IL13RA1: variants seen among roughly 807,000 people sequenced by gnomAD.
IL13RA1 encodes interleukin 13 receptor subunit alpha 1.
In IL13RA1, 14 loss-of-function variants were observed where a neutral mutation model predicts 33.8. The ratio of observed to expected loss-of-function variants is 0.41; its 90% CI spans 0.27 to 0.65. IL13RA1 has a LOEUF of 0.65. IL13RA1 is among the 30% of genes least tolerant of loss of function. The pLI, the probability that IL13RA1 is intolerant of heterozygous loss-of-function variation, is 0.28. For synonymous variants in IL13RA1, 116 were observed against 115.7 expected, an observed-to-expected ratio of 1.00 and a Z score of -0.02; for missense variants, 313 against 327.0, an observed-to-expected ratio of 0.96 and a Z score of 0.33.
chrX:118,733,834 A>G (rs2017251746), intron 1 of IL13RA1, among the ~76,000 whole-genome samples: 1 of 110,986 alleles, frequency 9.0e-6, no homozygotes, highest in Admixed American at 9.7e-5. Context: ...ATTCTTTTTC[A>G]TATGGATATC....
At chrX:118,787,022 A>T (rs1297357806) in intron 10 of IL13RA1, among the ~76,000 whole-genome samples, 4 of 112,044 alleles carry the variant, frequency 3.6e-5, no homozygotes, top group Non-Finnish European at 1.9e-5. Context: ...TCCTGTAACT[A>T]TCTCTAATTT....
At chrX:118,746,244 T>C (rs1455647958) in intron 2 of IL13RA1, among the ~76,000 whole-genome samples, 2 of 110,760 alleles carry the variant, frequency 1.8e-5, no homozygotes, top group African/African-American at 6.6e-5. Context: ...CTCAGCCTCA[T>C]GAGTAGCTGG....
At chrX:118,744,367 G>T (rs987113173) in intron 2 of IL13RA1, among the ~76,000 whole-genome samples, 14 of 111,274 alleles carry the variant, frequency 1.3e-4, no homozygotes, top group African/African-American at 4.3e-4. Context: ...GAAGCATAAG[G>T]TTCGGATTTA....
chrX:118,803,079 G>C, the IL13RA1 span, among the ~76,000 whole-genome samples: 2 of 112,223 alleles, frequency 1.8e-5, no homozygotes, highest in African/African-American at 3.2e-5. Flanking sequence ...TTTCAGACTT[G>C]TCCTGCCTCA....
At chrX:118,790,463 TTGTGTGAC>T (rs2017963706) in intron 10 of IL13RA1, among the ~76,000 whole-genome samples, 1 of 112,082 alleles carries the variant, frequency 8.9e-6, no homozygotes, top group Non-Finnish European at 1.9e-5. Context: ...GTAGAAGTCT[TTGTGTGAC>T]ATGTTTTCAT....
chrX:118,766,734 C>G (rs2017654004), intron 7 of IL13RA1, 110 bp from the exon 8 acceptor site: 2 of 591,974 alleles, frequency 3.4e-6, no homozygotes, highest in South Asian at 6.6e-5. Context: ...GAATTGCAAT[C>G]CAAGTCTTAA....
At chrX:118,780,635 G>C (rs2017832973) in intron 10 of IL13RA1, among the ~76,000 whole-genome samples, 1 of 112,105 alleles carries the variant, frequency 8.9e-6, no homozygotes, top group African/African-American at 3.2e-5. Context: ...GGGAACAAGA[G>C]GGGGTAGGAG....
intron 10 of IL13RA1, among the ~76,000 whole-genome samples, chrX:118,784,653 T>C (rs1451903953): frequency 9.0e-6 from 1 of 111,463 alleles, no homozygotes; most frequent in African/African-American, 3.3e-5. Flanking sequence ...CTCCAGTCAT[T>C]TGGGTTGTTT....
chrX:118,801,866 T>C, the IL13RA1 span, among the ~76,000 whole-genome samples: 1 of 112,748 alleles, frequency 8.9e-6, no homozygotes, highest in East Asian at 2.7e-4. Context: ...CCAATTATAC[T>C]GTTTTTAGAA....
chrX:118,759,171 G>A (rs1195371316), intron 5 of IL13RA1, among the ~76,000 whole-genome samples: 1 of 111,919 alleles, frequency 8.9e-6, no homozygotes, highest in Admixed American at 9.5e-5. Context: ...CTGCATGTCA[G>A]CCTGTTAGAA....
rs1446639660 is a variant in IL13RA1, at chrX:118,746,943, TC to T, written c.229-10del. 2 of 1,179,004 alleles carry T rather than the reference TC, an allele frequency of 1.7e-6. No individual in the cohort carries two copies. Among genetic ancestry groups the T allele is most frequent in the Middle Eastern group, 2.3e-4 (1 of 4,257 alleles). ...GCTGAAGCAATGCCTTTTTCAATTT[TC>T]TAACCTTAGAAAATAGCTCCGGAAA... On this transcript the variant is annotated splice_polypyrimidine_tract_variant and intron_variant, in intron 2 of 10. Coordinates refer to ENST00000371666, the MANE Select transcript of IL13RA1 (RefSeq NM_001560.3).
Position 118,793,914 on chromosome X carries a change from A to G in IL13RA1, c.*2060A>G, listed in dbSNP as rs995797705. ...GGGAGACAGCCGTAGTAGATGTTCT[A>G]CTTTGTTCTGCTGTTCTCTAGAAAG... On this transcript the variant is annotated 3_prime_UTR_variant, in exon 11 of 11. Transcript: ENST00000371666. The G allele has an allele frequency of 2.1e-4, 23 of 111,976 alleles. No individual in the cohort carries two copies. The highest frequency in any genetic ancestry group is 7.5e-4 in the African/African-American group (23 of 30,799). The allele number at this position is 111,976 out of a possible 1,213,427, so 9.2% of individuals were successfully genotyped here.
chrX:118,753,538 T>G (rs954446656), intron 4 of IL13RA1, among the ~76,000 whole-genome samples: 2 of 112,402 alleles, frequency 1.8e-5, no homozygotes, highest in Non-Finnish European at 3.8e-5. Context: ...GATCCTACTT[T>G]TTTTTGCGAT....
intron 10 of IL13RA1, among the ~76,000 whole-genome samples, chrX:118,777,455 TG>T (rs2017798829): frequency 8.9e-6 from 1 of 111,959 alleles, no homozygotes; most frequent in Non-Finnish European, 1.9e-5. Flanking sequence ...CTTATATAAC[TG>T]GGCTCCATTC....
chrX:118,762,257 T>G (rs1367906453), intron 6 of IL13RA1, among the ~76,000 whole-genome samples: 1 of 112,777 alleles, frequency 8.9e-6, no homozygotes, highest in African/African-American at 3.2e-5. Flanking sequence ...TTTGTTTGTT[T>G]ACTAGATTTG....
chrX:118,746,206 C>A (rs1012522663), intron 2 of IL13RA1, among the ~76,000 whole-genome samples: 3 of 110,746 alleles, frequency 2.7e-5, no homozygotes, highest in Non-Finnish European at 5.7e-5. Flanking sequence ...TGCAGCCTCC[C>A]GCTCCCAGGC....
chrX:118,760,094 T>C (rs1252031558), intron 5 of IL13RA1, among the ~76,000 whole-genome samples: 1 of 112,315 alleles, frequency 8.9e-6, no homozygotes, highest in African/African-American at 3.2e-5. Context: ...TCATAAACAT[T>C]TTAAGTGTAC....
chrX:118,733,267 C>T (rs986860222), intron 1 of IL13RA1, among the ~76,000 whole-genome samples: 7 of 111,594 alleles, frequency 6.3e-5, no homozygotes, highest in African/African-American at 9.8e-5. Context: ...AACTGTGCAC[C>T]GGGGTTTGAA....
downstream of IL13RA1, among the ~76,000 whole-genome samples, chrX:118,798,872 C>T (rs1010726122): frequency 4.2e-4 from 47 of 112,677 alleles, no homozygotes; most frequent in Non-Finnish European, 6.0e-4. Context: ...AGGAGCCCTT[C>T]GGCCCGCCGC....
Sources: allele counts gnomAD v4.1 joint callset (sites outside exome capture counted in the v4.1 genomes callset), GRCh38; gene constraint gnomAD v4.1.1; transcripts MANE v1.5; gene names NCBI Gene and HGNC (gene_info 2026-07-23, HGNC 2026-07-21).